Variants in IGSF10 observed in about 807,000 individuals in gnomAD.
IGSF10 encodes the protein immunoglobulin superfamily member 10.
Under a neutral mutation model 128.2 loss-of-function variants are expected in IGSF10, and 126 were observed. The ratio of observed to expected loss-of-function variants is 0.98; its 90% CI spans 0.85 to 1.14. IGSF10 has a LOEUF of 1.14. Among genes scored for constraint, IGSF10 ranks in the 50% most tolerant of loss-of-function variants. The pLI is 0.00. For missense variants in IGSF10, 3,295 were observed against 3,149.8 expected (o/e 1.05, Z -1.10); for synonymous variants, 1,185 against 1,146.2 (o/e 1.03, Z -0.68).
At chr3:151,454,544 A>G (rs1173224793) in intron 4 of IGSF10, among the ~76,000 whole-genome samples, 1 of 151,350 alleles carries the variant, frequency 6.6e-6, no homozygotes, top group Non-Finnish European at 1.5e-5. Context: ...ACAGTTCATT[A>G]TATTCTTTCT....
rs560612758 is a variant in IGSF10, at chr3:151,448,098, C to A, written c.1883G>T (p.Gly628Val). 6.2e-7 allele frequency: 1 copy of A among 1,614,052 alleles called. No homozygotes were observed. The highest frequency in any genetic ancestry group is 1.3e-5 in the African/African-American group (1 of 74,996). The change falls in exon 6 of 8, where the codon GGC becomes GTC. Residue 628 changes from glycine (G) to valine (V), a missense_variant. Physicochemically the swap from Gly to Val is moderately radical, Grantham distance 109 (BLOSUM62 -3). Transcript: ENST00000282466. ...SSRDKKVLNN[G>V]TLRILQVTPK... ...GGTGACCTGTAATATTCTTAATGTGCCATTGTTTAGAACTTTCTTGTCTCT... is the reference window on the plus strand; with the variant it reads ...GGTGACCTGTAATATTCTTAATGTGACATTGTTTAGAACTTTCTTGTCTCT...
At chr3:151,479,036 T>G in the IGSF10 span, among the ~76,000 whole-genome samples, 3 of 152,208 alleles carry the variant, frequency 2.0e-5, no homozygotes, top group African/African-American at 7.2e-5. Flanking sequence ...AGCCTTATTT[T>G]TCTGCTAAGC....
At chr3:151,450,895 CAAAAAAAAAA>C (rs35070766) in intron 5 of IGSF10, among the ~76,000 whole-genome samples, 2 of 55,424 alleles carry the variant, frequency 3.6e-5, no homozygotes, top group Admixed American at 2.4e-4. Flanking sequence ...AACTCTGTCT[CAAAAAAAAAA>C]AAAAAAAAAA....
At chr3:151,525,604 G>C in the IGSF10 span, among the ~76,000 whole-genome samples, 21 of 152,258 alleles carry the variant, frequency 1.4e-4, no homozygotes, top group East Asian at 5.8e-4. Context: ...CTGCTTCCAA[G>C]ATTATTCACG....
At chr3:151,546,050 A>T in the IGSF10 span, among the ~76,000 whole-genome samples, 1 of 152,052 alleles carries the variant, frequency 6.6e-6, no homozygotes, top group Non-Finnish European at 1.5e-5. Context: ...CACAAAAAAA[A>T]AAAAAAGCCT....
chr3:151,617,595 G>C, the IGSF10 span, among the ~76,000 whole-genome samples: 1 of 151,978 alleles, frequency 6.6e-6, no homozygotes. Flanking sequence ...TCTGGACTTT[G>C]AACTTTTGAG....
chr3:151,466,080 G>C, the IGSF10 span, among the ~76,000 whole-genome samples: 4 of 152,074 alleles, frequency 2.6e-5, no homozygotes, highest in Non-Finnish European at 5.9e-5. Context: ...TAGTCTCTCT[G>C]AATCTGCGGT....
At chr3:151,568,169 C>T in the IGSF10 span, among the ~76,000 whole-genome samples, 1 of 151,702 alleles carries the variant, frequency 6.6e-6, no homozygotes, top group Non-Finnish European at 1.5e-5. Context: ...TACAATAGAA[C>T]AAAAAAAGTA....
rs761986013 is a variant in IGSF10, at chr3:151,437,613, T to G, written c.6948A>C (p.Arg2316=). 1.2e-6 allele frequency: 2 copies of G among 1,614,212 alleles called. No homozygotes were observed. The highest frequency in any genetic ancestry group is 1.7e-6 in the Non-Finnish European group (2 of 1,180,032). The change falls in exon 8 of 8, where the codon CGA becomes CGC. Residue 2316 remains arginine (R), a synonymous_variant. Transcript: ENST00000282466. ...SDSADFICVA[R]NEGGESVLVV... ...CCAACACGCTCTCTCCACCTTCATT[T>G]CGGGCCACACAGATAAAGTCGGCTG...
Position 151,446,501 on chromosome 3 carries a change from G to T in IGSF10, c.3480C>A (p.Ala1160=). 1 of 1,614,142 alleles carries T rather than the reference G, an allele frequency of 6.2e-7. No homozygotes were observed. Among genetic ancestry groups the T allele is most frequent in the Non-Finnish European group, 8.5e-7 (1 of 1,180,020 alleles). ...TGGTGCTAGACACACGTGGGTAACT[G>T]GCGTTTACTTTGTGAGTTTTTTCCA... is the stretch of plus-strand genomic sequence containing the variant. ...IPMEKTHKVN[A]SYPRVSSTNE... The change falls in exon 6 of 8, where the codon GCC becomes GCA. Residue 1160 remains alanine (A), a synonymous_variant. Coordinates refer to ENST00000282466, the MANE Select transcript of IGSF10 (RefSeq NM_178822.5).
chr3:151,463,523 G>GTTTTTTTTTTTTGTTTTTTTTTTTTTTT (rs1553837067), upstream of IGSF10, among the ~76,000 whole-genome samples: 3 of 31,288 alleles, frequency 9.6e-5, no homozygotes, highest in Non-Finnish European at 1.9e-4. Context: ...ACATTTTCTG[G>GTTTTTTTTTTTTGTTTTTTTTTTTTTTT]TTTTTTTTTT....
At chr3:151,618,662 G>A in the IGSF10 span, among the ~76,000 whole-genome samples, 7 of 151,060 alleles carry the variant, frequency 4.6e-5, no homozygotes, top group African/African-American at 1.7e-4. Flanking sequence ...CCCAGGAGGC[G>A]GAGCTTACAG....
At chr3:151,562,295 G>A in the IGSF10 span, among the ~76,000 whole-genome samples, 14 of 152,074 alleles carry the variant, frequency 9.2e-5, no homozygotes, top group Non-Finnish European at 1.6e-4. Flanking sequence ...GTCTAAAAAA[G>A]GGGAATATTA....
In IGSF10 at chr3:151,442,972, GTA is replaced by G. The variant is rs751267609; in HGVS notation, c.5963+10_5963+11del. ...TAAAGCAGATAATTCCAACCCAAAG[GTA>G]TAGACTTACCTATGCTGCTGGTCGA... On this transcript the variant is annotated intron_variant, in intron 7 of 7. Coordinates refer to ENST00000282466, the MANE Select transcript of IGSF10 (RefSeq NM_178822.5). 3.5e-5 allele frequency: 56 copies of G among 1,608,566 alleles called. No homozygotes were observed. The Admixed American group carries it at 9.2e-4, about 26-fold the overall frequency.
At chr3:151,537,053 A>G in the IGSF10 span, among the ~76,000 whole-genome samples, 1 of 152,176 alleles carries the variant, frequency 6.6e-6, no homozygotes, top group African/African-American at 2.4e-5. Flanking sequence ...TCCAATAACA[A>G]TATTTGCTTG....
At chr3:151,546,557 A>T in the IGSF10 span, among the ~76,000 whole-genome samples, 1 of 150,438 alleles carries the variant, frequency 6.6e-6, no homozygotes, top group Non-Finnish European at 1.5e-5. Context: ...AAGCCTCAGT[A>T]TGTCGCCCAG....
At chr3:151,534,151 G>A in the IGSF10 span, among the ~76,000 whole-genome samples, 2 of 152,128 alleles carry the variant, frequency 1.3e-5, no homozygotes, top group African/African-American at 2.4e-5. Flanking sequence ...AAAAAGTCAG[G>A]AAACAACAGA....
chr3:151,509,082 A>G, the IGSF10 span, among the ~76,000 whole-genome samples: 1 of 152,150 alleles, frequency 6.6e-6, no homozygotes, highest in Non-Finnish European at 1.5e-5. Context: ...AGATTCATGA[A>G]AGGATGAAAA....
the IGSF10 span, among the ~76,000 whole-genome samples, chr3:151,538,610 T>C: frequency 1.3e-5 from 2 of 152,180 alleles, no homozygotes; most frequent in African/African-American, 4.8e-5. Flanking sequence ...ACCAAGACTT[T>C]GATGCTGTTT....
Sources: gnomAD v4.1 joint callset for allele counts (sites outside exome capture counted in the v4.1 genomes callset) on GRCh38, gnomAD v4.1.1 for gene constraint, MANE v1.5 for transcripts, NCBI Gene and HGNC (gene_info 2026-07-23, HGNC 2026-07-21) for gene names.